The following RMP64 variants were observed in gnomAD, a reference collection of about 807,000 sequenced individuals.
RMP64 encodes the protein nucleolus and neural progenitor protein.
At chr3:113,010,744 A>G in the RMP64 span, 1 of 1,512,216 alleles carries the variant, frequency 6.6e-7, no homozygotes, top group Non-Finnish European at 9.2e-7. Flanking sequence ...AACCTTAGGC[A>G]TACTATTTTC....
At chr3:113,010,732 A>G in the RMP64 span, 1 of 1,576,614 alleles carries the variant, frequency 6.3e-7, no homozygotes, top group Non-Finnish European at 8.7e-7. Flanking sequence ...TTGCAGATAC[A>G]AAACCTTAGG....
the RMP64 span, chr3:113,005,250 T>TTACTAGCCTCACTCA: frequency 2.5e-6 from 1 of 407,610 alleles, no homozygotes; most frequent in East Asian, 4.7e-5. Flanking sequence ...TTTCAGAGAC[T>TTACTAGCCTCACTCA]TACTAGCCTC....
At chr3:113,002,677 T>TG in the RMP64 span, 6 of 143,134 alleles carry the variant, frequency 4.2e-5, no homozygotes, top group African/African-American at 7.4e-5. Flanking sequence ...GTGTGTGTGT[T>TG]CTTTTAATAG....
At chr3:113,013,851 TG>T in the RMP64 span, 1 of 837,384 alleles carries the variant, frequency 1.2e-6, no homozygotes, top group Non-Finnish European at 2.0e-6. Flanking sequence ...GAGGTATAAT[TG>T]GTTATATTCC....
At chr3:113,018,731 C>G in the RMP64 span, among the ~76,000 whole-genome samples, 4 of 152,246 alleles carry the variant, frequency 2.6e-5, no homozygotes, top group African/African-American at 9.6e-5. Flanking sequence ...GTTCATTTAC[C>G]ATGCCAGGCA....
the RMP64 span, chr3:113,005,482 G>A: frequency 8.5e-6 from 10 of 1,169,678 alleles, no homozygotes; most frequent in East Asian, 2.3e-5. Context: ...GTTCTACTTA[G>A]AACACTGAAC....
the RMP64 span, chr3:113,009,564 G>T: frequency 1.3e-5 from 2 of 152,166 alleles, no homozygotes; most frequent in African/African-American, 4.8e-5. Context: ...TTGAGATACA[G>T]TTGAAAAACT....
chr3:113,016,219 C>T, the RMP64 span, among the ~76,000 whole-genome samples: 16 of 152,002 alleles, frequency 1.1e-4, no homozygotes, highest in South Asian at 2.1e-4. Context: ...CAATGGAGAA[C>T]GACTAAAAAT....
the RMP64 span, among the ~76,000 whole-genome samples, chr3:113,007,757 C>A: frequency 2.0e-5 from 3 of 152,206 alleles, no homozygotes; most frequent in Non-Finnish European, 2.9e-5. Flanking sequence ...AAGGCAGGCA[C>A]CTTCTGCTTC....
At chr3:113,019,207 C>G in the RMP64 span, 1 of 328,016 alleles carries the variant, frequency 3.0e-6, no homozygotes, top group Non-Finnish European at 5.6e-6. Flanking sequence ...CTCCGAAGAC[C>G]CGGGTGAGCA....
At chr3:113,006,116 T>C in the RMP64 span, 13 of 746,524 alleles carry the variant, frequency 1.7e-5, no homozygotes, top group Non-Finnish European at 2.8e-5. Context: ...ACAAGTCCTA[T>C]GCCTGTGTAC....
At chr3:113,017,443 C>T in the RMP64 span, 2 of 1,612,780 alleles carry the variant, frequency 1.2e-6, no homozygotes, top group Non-Finnish European at 1.7e-6. Flanking sequence ...ACCGGGCTTC[C>T]TCACCTGTTT....
At chr3:113,013,924 A>G in the RMP64 span, 7 of 1,509,212 alleles carry the variant, frequency 4.6e-6, no homozygotes, top group East Asian at 1.6e-4. Context: ...AGCCCACCAC[A>G]TCACAAAGCA....
At chr3:113,018,326 G>A in the RMP64 span, among the ~76,000 whole-genome samples, 3 of 152,192 alleles carry the variant, frequency 2.0e-5, no homozygotes, top group Non-Finnish European at 4.4e-5. Context: ...AGACAGAATG[G>A]GCTGCCTCGG....
the RMP64 span, among the ~76,000 whole-genome samples, chr3:113,009,123 T>A: frequency 6.6e-6 from 1 of 152,162 alleles, no homozygotes; most frequent in African/African-American, 2.4e-5. Flanking sequence ...AAATGCTCAA[T>A]TGAGCAACAC....
At chr3:113,019,187 GT>G in the RMP64 span, 43 of 294,486 alleles carry the variant, frequency 1.5e-4, no homozygotes, top group Non-Finnish European at 2.7e-4. Flanking sequence ...GGACGGAAGG[GT>G]AAACAAGACT....
chr3:113,012,118 T>C, the RMP64 span, among the ~76,000 whole-genome samples: 62 of 152,200 alleles, frequency 4.1e-4, 1 homozygote, highest in African/African-American at 1.4e-3. Flanking sequence ...TTTCACAATA[T>C]GTACTGAGAG....
At chr3:113,019,468 G>C in the RMP64 span, 2 of 1,245,922 alleles carry the variant, frequency 1.6e-6, no homozygotes, top group Non-Finnish European at 1.2e-6. Flanking sequence ...TACCACCCCC[G>C]CCCACATGCG....
chr3:113,004,677 C>T, the RMP64 span: 1 of 152,220 alleles, frequency 6.6e-6, no homozygotes, highest in African/African-American at 2.4e-5. Flanking sequence ...GTACTCCCCT[C>T]AGAGCAACAG....
Sources: gnomAD v4.1 joint callset for allele counts (sites outside exome capture counted in the v4.1 genomes callset) on GRCh38, gnomAD v4.1.1 for gene constraint, MANE v1.5 for transcripts, NCBI Gene and HGNC (gene_info 2026-07-23, HGNC 2026-07-21) for gene names.